MAN2B2: variants seen among roughly 807,000 people sequenced by gnomAD.
The protein encoded by MAN2B2 is epididymis-specific alpha-mannosidase.
A neutral mutation model predicts 117.1 loss-of-function variants in MAN2B2; 106 were observed. That is an observed-to-expected ratio of 0.90 (90% confidence interval 0.77 to 1.06). The LOEUF is 1.06. MAN2B2 is among the 50% of genes least tolerant of loss of function. The pLI, the probability that MAN2B2 is intolerant of heterozygous loss-of-function variation, is 0.00. For synonymous variants in MAN2B2, 544 were observed against 595.1 expected, an observed-to-expected ratio of 0.91 and a Z score of 1.25; for missense variants, 1,326 against 1,381.4, an observed-to-expected ratio of 0.96 and a Z score of 0.64.
At chr4:6,596,169 C>G (rs374856021) in intron 7 of MAN2B2, among the ~76,000 whole-genome samples, 1 of 126,882 alleles carries the variant, frequency 7.9e-6, no homozygotes, top group African/African-American at 2.8e-5. Flanking sequence ...GGTATCCAGG[C>G]GGGTGTGGGT....
At chr4:6,584,731 C>T (rs1726567569) in intron 3 of MAN2B2, among the ~76,000 whole-genome samples, 1 of 152,190 alleles carries the variant, frequency 6.6e-6, no homozygotes, top group Admixed American at 6.5e-5. Context: ...AGCCTGATGG[C>T]CTCCCAGTTC....
In MAN2B2 at chr4:6,575,237, G is replaced by A. The variant is rs1726006846; in HGVS notation, c.27G>A (p.Leu9=). The A allele has an allele frequency of 1.3e-6, 2 of 1,538,102 alleles. No homozygotes were observed. The highest frequency in any genetic ancestry group is 1.7e-6 in the Non-Finnish European group (2 of 1,146,760). The stretch of plus-strand genomic sequence containing the variant: ...TGGGGCAGCTGTGCTGGCTGCCGCT[G>A]CTGGCACCGCTCCTGTTGCTGCGAC... The part of the protein sequence containing the change: MGQLCWLP[L]LAPLLLLRPP... The change falls in exon 1 of 19, where the codon CTG becomes CTA. Residue 9 remains leucine, a synonymous_variant. Transcript: ENST00000285599.
chr4:6,576,594 ACGC>A lies in MAN2B2; in HGVS notation c.160_162del (p.Ala54del). 6.2e-7 allele frequency: 1 copy of A among 1,608,594 alleles called. No homozygotes were observed. Among genetic ancestry groups the A allele is most frequent in the East Asian group, 2.3e-5 (1 of 44,372 alleles). ...CCTCCCCAGGAAAGCATGCGGGCGT[ACGC>A]CGCCAATGTCTACACCTCAGTGGTG... On this transcript the variant is annotated inframe_deletion, in exon 2 of 19. Transcript: ENST00000285599.
At chr4:6,576,463 G>A (rs1483664797) in intron 1 of MAN2B2, 115 bp from the exon 2 acceptor site, 2 of 1,247,004 alleles carry the variant, frequency 1.6e-6, no homozygotes, top group Non-Finnish European at 1.1e-6. Context: ...GTGAGCAGCA[G>A]GGAAGGAAGG....
chr4:6,585,761 G>A (rs1726606368), intron 3 of MAN2B2, among the ~76,000 whole-genome samples: 1 of 152,196 alleles, frequency 6.6e-6, no homozygotes, highest in Admixed American at 6.5e-5. Flanking sequence ...CTGGACTGGG[G>A]CTGGAGGGTC....
intron 4 of MAN2B2, 75 bp from the exon 5 acceptor site, chr4:6,588,970 C>A: frequency 9.0e-7 from 1 of 1,106,752 alleles, no homozygotes; most frequent in Non-Finnish European, 1.4e-6. Flanking sequence ...GGGAGACACC[C>A]AGATGGGGCT....
Position 6,589,303 on chromosome 4 carries a change from CAATCT to C in MAN2B2, c.680+144_680+148del, listed in dbSNP as rs1467006828. 7.7e-5 allele frequency: 48 copies of C among 626,780 alleles called. No individual in the cohort carries two copies. The Middle Eastern group carries it at 1.3e-3, about 17-fold the overall frequency. 38.8% of individuals were successfully genotyped at this position (626,780 alleles called of 1,614,324 possible). On this transcript the variant is annotated intron_variant, in intron 5 of 18. Coordinates refer to ENST00000285599, the MANE Select transcript of MAN2B2 (RefSeq NM_015274.3). Reference sequence around the variant, plus strand: ...TTGCCCAGGCCGGAGTGCAGTAGCGCAATCTTGGCTCACTGCAACCTCCGCCTCCT... The same window carrying C: ...TTGCCCAGGCCGGAGTGCAGTAGCGCTGGCTCACTGCAACCTCCGCCTCCT...
Position 6,610,000 on chromosome 4 carries a change from C to G in MAN2B2, c.2209C>G (p.Gln737Glu). The change falls in exon 13 of 19, where the codon CAG becomes GAG. Residue 737 changes from glutamine to glutamate, a missense_variant. Gln to Glu is a conservative substitution (Grantham distance 29, BLOSUM62 2). Transcript: ENST00000285599. ...CATCTACTCAGACAACAACGGCTAC[C>G]AGATGCAGCGGAGGCCCTACGTTTC... ...QVIYSDNNGYQMQRRPYVSYV... is the reference protein window; with the variant it reads ...QVIYSDNNGYEMQRRPYVSYV... The G allele has an allele frequency of 6.2e-7, 1 of 1,614,162 alleles. No individual in the cohort carries two copies. The highest frequency in any genetic ancestry group is 1.1e-5 in the South Asian group (1 of 91,086).
rs776475620 is a variant in MAN2B2 at position 6,611,229 on chromosome 4, C to G, written c.2514C>G (p.Ser838Arg). The change falls in exon 15 of 19, where the codon AGC (serine) becomes AGG (arginine). Residue 838 changes from serine to arginine, a missense_variant. Physicochemically the swap from Ser to Arg is moderately radical, Grantham distance 110 (BLOSUM62 -1). Coordinates refer to ENST00000285599, the MANE Select transcript of MAN2B2 (RefSeq NM_015274.3). ...TCACCACTGCCCTGCGCCAGAGGAGCGCACTGGCGCTGCAGCACAGGCCCG... is the reference window on the plus strand; with the variant it reads ...TCACCACTGCCCTGCGCCAGAGGAGGGCACTGGCGCTGCAGCACAGGCCCG... Reference protein sequence around the residue: ...WSLTTALRQRSALALQHRPVV... With the variant: ...WSLTTALRQRRALALQHRPVV... 1.2e-6 allele frequency: 2 copies of G among 1,613,342 alleles called. No individual in the cohort carries two copies. Among genetic ancestry groups the G allele is most frequent in the East Asian group, 2.2e-5 (1 of 44,886 alleles).
At position 6,607,813 on chromosome 4, in the gene MAN2B2, T is replaced by C. The variant is rs145884259; in HGVS notation, c.1815-1294T>C. Among the ~76,000 whole-genome samples, 69 of 152,286 alleles carry C rather than the reference T, an allele frequency of 4.5e-4. 1 individual carries two copies. The East Asian group carries it at 0.012, about 26-fold the overall frequency. ...ACTCTTTGAGGAACTGCCCGACCGT[T>C]TTCCAAAGCGGCTGCACCATTTTCT... On this transcript the variant is annotated intron_variant, in intron 11 of 18. Transcript: ENST00000285599.
chr4:6,601,644 G>A (rs1727335896), intron 10 of MAN2B2, among the ~76,000 whole-genome samples: 1 of 152,176 alleles, frequency 6.6e-6, no homozygotes, highest in Non-Finnish European at 1.5e-5. Flanking sequence ...GCCACCTATG[G>A]GCCTTGCCAG....
In MAN2B2 at chr4:6,622,594, G is replaced by A. The variant is rs1015081195; in HGVS notation, c.*1309G>A. On this transcript the variant is annotated 3_prime_UTR_variant, in exon 19 of 19. Transcript: ENST00000285599. ...GCTGCTACTAGAGATGCACCACTGC[G>A]TCAGCTAATTTTTGTATTTTTAGTA... The A allele has an allele frequency of 3.3e-5, 5 of 152,030 alleles. No individual in the cohort carries two copies. The highest frequency in any genetic ancestry group is 7.3e-5 in the Non-Finnish European group (5 of 68,038). 9.4% of individuals were successfully genotyped at this position (152,030 alleles called of 1,614,324 possible).
At chr4:6,607,337 G>C (rs955900922) in intron 11 of MAN2B2, among the ~76,000 whole-genome samples, 1 of 152,158 alleles carries the variant, frequency 6.6e-6, no homozygotes, top group Non-Finnish European at 1.5e-5. Context: ...CTCTTGAGTA[G>C]CTGGGATTAC....
chr4:6,608,860 G>A (rs560067392), intron 11 of MAN2B2, among the ~76,000 whole-genome samples: 14 of 152,258 alleles, frequency 9.2e-5, no homozygotes, highest in African/African-American at 3.4e-4. Context: ...CTCTGCTGAC[G>A]GCTCACGGTT....
Position 6,587,058 on chromosome 4 carries a change from C to T in MAN2B2, c.454C>T (p.Pro152Ser), listed in dbSNP as rs776661098. 6.2e-7 allele frequency: 1 copy of T among 1,614,042 alleles called. No individual in the cohort carries two copies. Among genetic ancestry groups the T allele is most frequent in the East Asian group, 2.2e-5 (1 of 44,866 alleles). Residue 152 changes from proline to serine, a missense_variant, in exon 4 of 19, where the codon CCG (proline) becomes TCG (serine). Physicochemically the swap from Pro to Ser is moderately conservative, Grantham distance 74. Coordinates refer to ENST00000285599, the MANE Select transcript of MAN2B2 (RefSeq NM_015274.3). The stretch of plus-strand genomic sequence containing the variant: ...GCCACAGTTCTCCTGGCACGTTGAC[C>T]CGTTTGGCGCCTCTGCCACGACGCC... ...IRPQFSWHVD[P>S]FGASATTPTL...
At position 6,600,690 on chromosome 4, in the gene MAN2B2, C is replaced by T. The variant is rs1336854469; in HGVS notation, c.1473C>T (p.Val491=). ...NPLAWTVTTI[V]TLTVGFPGVR... ...TGGCCTGGACGGTCACCACCATCGT[C>T]ACCCTGACTGTTGGTTTCCCTGGAG... is the stretch of plus-strand genomic sequence containing the variant. The change falls in exon 10 of 19, where the codon GTC becomes GTT. Residue 491 remains valine (V), a synonymous_variant. Transcript: ENST00000285599. 1 of 1,614,064 alleles carries T rather than the reference C, an allele frequency of 6.2e-7. No homozygotes were observed. Among genetic ancestry groups the T allele is most frequent in the Admixed American group, 1.7e-5 (1 of 60,032 alleles).
At chr4:6,581,013 C>A (rs1277567213) in intron 3 of MAN2B2, among the ~76,000 whole-genome samples, 1 of 152,186 alleles carries the variant, frequency 6.6e-6, no homozygotes, top group African/African-American at 2.4e-5. Context: ...TCATGGGGCC[C>A]TCAGGGTACA....
intron 3 of MAN2B2, among the ~76,000 whole-genome samples, chr4:6,580,517 C>G (rs942378828): frequency 6.6e-6 from 1 of 152,208 alleles, no homozygotes; most frequent in Non-Finnish European, 1.5e-5. Flanking sequence ...CCCGTGCCAG[C>G]GAGGAGGCTC....
In MAN2B2 at chr4:6,605,463, T is replaced by C. The variant is rs527853222; in HGVS notation, c.1814+134T>C. 8.0e-5 allele frequency: 82 copies of C among 1,021,726 alleles called. No individual in the cohort carries two copies. In the South Asian group the frequency reaches 1.3e-3, roughly 16 times the overall value. The allele number at this position is 1,021,726 out of a possible 1,614,324, so 63.3% of individuals were successfully genotyped here. On this transcript the variant is annotated intron_variant, in intron 11 of 18. Transcript: ENST00000285599. ...ATGGTGGTGAAACCCCTTCCTGCTA[T>C]TGTGATCTTTAATTTTAGAAGTGTG...
Sources: gnomAD v4.1 joint callset for allele counts (sites outside exome capture counted in the v4.1 genomes callset) on GRCh38, gnomAD v4.1.1 for gene constraint, MANE v1.5 for transcripts, NCBI Gene and HGNC (gene_info 2026-07-23, HGNC 2026-07-21) for gene names.